Variants in AGBL4 observed in about 807,000 individuals in gnomAD.
AGBL4 encodes the protein cytosolic carboxypeptidase 6.
A neutral mutation model predicts 66.4 loss-of-function variants in AGBL4; 58 were observed. The observed-to-expected ratio is 0.87, with a 90% CI of 0.71 to 1.09. The LOEUF (loss-of-function observed/expected upper bound fraction) is 1.09. AGBL4 is among the 50% of genes least tolerant of loss of function. The pLI is 0.00. For missense variants in AGBL4, 579 were observed against 631.0 expected, an observed-to-expected ratio of 0.92 and a Z score of 0.88; for synonymous variants, 234 against 222.9, an observed-to-expected ratio of 1.05 and a Z score of -0.44.
At chr1:48,657,364 G>C (rs1557859408) in intron 7 of AGBL4, among the ~76,000 whole-genome samples, 1 of 152,164 alleles carries the variant, frequency 6.6e-6, no homozygotes, top group Admixed American at 6.5e-5. Context: ...TGTTCCAGCC[G>C]AAAAAAACCT....
chr1:49,974,323 T>C lies in AGBL4; in HGVS notation c.34+49440A>G, dbSNP rs1658386261. Among the ~76,000 whole-genome samples, 2 of 152,198 alleles carry C rather than the reference T, an allele frequency of 1.3e-5. 1 individual carries two copies. Among genetic ancestry groups the C allele is most frequent in the Middle Eastern group, 6.8e-3 (2 of 294 alleles). On this transcript the variant is annotated intron_variant, in intron 1 of 13. Transcript: ENST00000371839. ...AAACCAGGTGATTTATAAAAGATCA[T>C]AATAACTAAATACAAATAAATGGAG...
intron 11 of AGBL4, among the ~76,000 whole-genome samples, chr1:48,555,309 T>C (rs942967764): frequency 6.6e-6 from 1 of 151,976 alleles, no homozygotes; most frequent in African/African-American, 2.4e-5. Context: ...AACGACAAAC[T>C]CTTATAGAGC....
chr1:49,709,033 G>A (rs1233340562), intron 2 of AGBL4, among the ~76,000 whole-genome samples: 2 of 152,190 alleles, frequency 1.3e-5, no homozygotes, highest in East Asian at 1.9e-4. Context: ...AGGCACGGTG[G>A]TCAGGGACCC....
intron 3 of AGBL4, among the ~76,000 whole-genome samples, chr1:49,602,341 TG>T (rs1644976399): frequency 1.3e-5 from 2 of 152,164 alleles, no homozygotes; most frequent in African/African-American, 4.8e-5. Flanking sequence ...ATCACATCAC[TG>T]GGTATATACC....
At chr1:48,627,627 A>C (rs1207565102) in intron 9 of AGBL4, among the ~76,000 whole-genome samples, 1 of 152,094 alleles carries the variant, frequency 6.6e-6, no homozygotes. Flanking sequence ...CTCTATTTTA[A>C]AAACTGCTCT....
chr1:48,810,365 C>T (rs982051157), intron 6 of AGBL4, among the ~76,000 whole-genome samples: 1 of 152,202 alleles, frequency 6.6e-6, no homozygotes, highest in Non-Finnish European at 1.5e-5. Context: ...CATCCTCTTC[C>T]GTGCAAGATG....
chr1:49,104,189 G>C (rs868391467), intron 4 of AGBL4, among the ~76,000 whole-genome samples: 1 of 152,004 alleles, frequency 6.6e-6, no homozygotes, highest in Admixed American at 6.6e-5. Flanking sequence ...TCCTCCTCTG[G>C]GAGGCATTTC....
At chr1:49,652,946 C>A (rs1646039087) in intron 3 of AGBL4, among the ~76,000 whole-genome samples, 1 of 152,128 alleles carries the variant, frequency 6.6e-6, no homozygotes, top group South Asian at 2.1e-4. Context: ...CTGCAGCACA[C>A]CCGCTTTGCC....
intron 3 of AGBL4, among the ~76,000 whole-genome samples, chr1:49,532,211 C>T (rs544172431): frequency 6.6e-6 from 1 of 152,198 alleles, no homozygotes; most frequent in East Asian, 1.9e-4. Flanking sequence ...ATCATGTCTG[C>T]TTTGTTAAAC....
chr1:49,151,590 T>G lies in AGBL4; in HGVS notation c.377+94180A>C, dbSNP rs1038075507. Reference sequence around the variant, plus strand: ...ACAGTTACAAAAAAAAAAAAAAACCTGGTAATTCTTTGGGGCAGTGTTGAG... The same window carrying G: ...ACAGTTACAAAAAAAAAAAAAAACCGGGTAATTCTTTGGGGCAGTGTTGAG... On this transcript the variant is annotated intron_variant, in intron 4 of 13. Coordinates refer to ENST00000371839, the MANE Select transcript of AGBL4 (RefSeq NM_032785.4). Among the ~76,000 whole-genome samples, 5 of 148,108 alleles carry G rather than the reference T, an allele frequency of 3.4e-5. No individual in the cohort carries two copies. In the East Asian group the frequency reaches 9.8e-4, roughly 29 times the overall value.
chr1:49,002,020 T>G (rs1257977688), intron 5 of AGBL4, among the ~76,000 whole-genome samples: 1 of 152,230 alleles, frequency 6.6e-6, no homozygotes, highest in Admixed American at 6.5e-5. Flanking sequence ...TTTAAGATAC[T>G]TAGCCTAATG....
At chr1:48,992,575 G>A (rs759050909) in intron 5 of AGBL4, among the ~76,000 whole-genome samples, 15 of 152,136 alleles carry the variant, frequency 9.9e-5, no homozygotes, top group African/African-American at 3.4e-4. Context: ...AGGGCAGCAA[G>A]TTCCCCCTCA....
intron 4 of AGBL4, among the ~76,000 whole-genome samples, chr1:49,067,407 A>T (rs545252293): frequency 6.6e-6 from 1 of 152,136 alleles, no homozygotes; most frequent in Non-Finnish European, 1.5e-5. Context: ...CATGACCTCT[A>T]CCTACTTCAT....
chr1:48,648,488 G>A (rs894617396), intron 8 of AGBL4, among the ~76,000 whole-genome samples: 4 of 152,184 alleles, frequency 2.6e-5, no homozygotes, highest in South Asian at 2.1e-4. Context: ...TAGGCCAGGC[G>A]AGAGAAGTGT....
chr1:49,998,688 A>T (rs992250023), intron 1 of AGBL4, among the ~76,000 whole-genome samples: 1 of 152,184 alleles, frequency 6.6e-6, no homozygotes, highest in Admixed American at 6.5e-5. Context: ...TCCTCAATAA[A>T]ATACTAGCTA....
At chr1:49,800,930 G>A (rs925428793) in intron 2 of AGBL4, among the ~76,000 whole-genome samples, 2 of 142,900 alleles carry the variant, frequency 1.4e-5, no homozygotes, top group Non-Finnish European at 3.0e-5. Flanking sequence ...AGAACCCTGA[G>A]GAATCGCCAC....
intron 5 of AGBL4, among the ~76,000 whole-genome samples, chr1:48,889,433 A>G (rs1254094241): frequency 6.6e-6 from 1 of 152,242 alleles, no homozygotes; most frequent in Non-Finnish European, 1.5e-5. Context: ...GAATTCTGAT[A>G]GCAATAAACT....
intron 1 of AGBL4, among the ~76,000 whole-genome samples, chr1:49,931,150 A>T (rs1653307830): frequency 6.6e-6 from 1 of 152,202 alleles, no homozygotes; most frequent in Non-Finnish European, 1.5e-5. Flanking sequence ...AGTACTTCTT[A>T]CAATAGTGTA....
intron 4 of AGBL4, among the ~76,000 whole-genome samples, chr1:49,157,236 TC>T (rs1297437019): frequency 6.6e-6 from 1 of 150,660 alleles, no homozygotes; most frequent in Non-Finnish European, 1.5e-5. Flanking sequence ...CCTCCCCTTG[TC>T]CCCCACCCCC....
Sources: gnomAD v4.1 joint callset for allele counts (sites outside exome capture counted in the v4.1 genomes callset) on GRCh38, gnomAD v4.1.1 for gene constraint, MANE v1.5 for transcripts, NCBI Gene and HGNC (gene_info 2026-07-23, HGNC 2026-07-21) for gene names.